The following CAMTA1 variants were observed in gnomAD, a reference collection of about 807,000 sequenced individuals.
The protein encoded by CAMTA1 is calmodulin binding transcription activator 1.
Under a neutral mutation model 170.9 loss-of-function variants are expected in CAMTA1, and 27 were observed. The observed-to-expected ratio is 0.16, with a 90% CI of 0.12 to 0.22. The LOEUF (loss-of-function observed/expected upper bound fraction) is 0.22, where lower values mean the gene tolerates loss of function less well. Among genes scored for constraint, CAMTA1 ranks in the 10% least tolerant of loss-of-function variants. The pLI is 1.00. For synonymous variants in CAMTA1, 833 were observed against 891.5 expected (o/e 0.93, Z 1.17); for missense variants, 1,619 against 2,217.2 (o/e 0.73, Z 5.42).
At chr1:7,386,918 A>G (rs1381898527) in intron 5 of CAMTA1, among the ~76,000 whole-genome samples, 1 of 152,184 alleles carries the variant, frequency 6.6e-6, no homozygotes, top group African/African-American at 2.4e-5. Flanking sequence ...GGTGACGTTC[A>G]GTGCTGCTGC....
intron 6 of CAMTA1, among the ~76,000 whole-genome samples, chr1:7,573,797 A>G (rs60678362): frequency 0.15 from 22,985 of 152,146 alleles, 5,639 homozygotes; most frequent in African/African-American, 0.52. Context: ...GTTTTGAGAC[A>G]GAGTCTCGCT....
chr1:7,183,627 G>C (rs544515613), intron 4 of CAMTA1, among the ~76,000 whole-genome samples: 1 of 152,186 alleles, frequency 6.6e-6, no homozygotes, highest in Non-Finnish European at 1.5e-5. Flanking sequence ...TGGCACAGTG[G>C]ATACTATGCA....
intron 3 of CAMTA1, among the ~76,000 whole-genome samples, chr1:6,899,699 C>CTTCAACAAATCA (rs1553179749): frequency 1.3e-5 from 2 of 152,114 alleles, no homozygotes; most frequent in Non-Finnish European, 2.9e-5. Flanking sequence ...CAGGAATTAA[C>CTTCAACAAATCA]TTCAACAAAT....
At chr1:7,683,048 G>A (rs891089968) in intron 11 of CAMTA1, among the ~76,000 whole-genome samples, 7 of 152,064 alleles carry the variant, frequency 4.6e-5, no homozygotes, top group Admixed American at 3.3e-4. Flanking sequence ...GGTGGTGAGC[G>A]CCTGTTGTCC....
chr1:6,976,762 A>G (rs1359807446), intron 3 of CAMTA1, among the ~76,000 whole-genome samples: 1 of 152,186 alleles, frequency 6.6e-6, no homozygotes. Context: ...ACAGGGTGAT[A>G]TGGTTTCGCT....
At chr1:7,569,747 T>TCAC (rs1331033850) in intron 6 of CAMTA1, among the ~76,000 whole-genome samples, 1 of 151,156 alleles carries the variant, frequency 6.6e-6, no homozygotes, top group Non-Finnish European at 1.5e-5. Flanking sequence ...AGCAGCAGCA[T>TCAC]CACCATCATC....
intron 6 of CAMTA1, among the ~76,000 whole-genome samples, chr1:7,548,238 G>T (rs934154572): frequency 6.6e-6 from 1 of 152,202 alleles, no homozygotes; most frequent in Admixed American, 6.5e-5. Flanking sequence ...GACCCTCTGT[G>T]TTGGGCACAT....
chr1:7,459,612 C>T (rs1344826417), intron 5 of CAMTA1, among the ~76,000 whole-genome samples: 1 of 152,226 alleles, frequency 6.6e-6, no homozygotes, highest in African/African-American at 2.4e-5. Flanking sequence ...GTAGCACACT[C>T]AGGCCCTGCT....
At chr1:7,000,076 G>C (rs1412237036) in intron 3 of CAMTA1, among the ~76,000 whole-genome samples, 2 of 152,194 alleles carry the variant, frequency 1.3e-5, no homozygotes, top group South Asian at 4.1e-4. Context: ...GTACCAGCTG[G>C]TGCTGGGTGA....
At chr1:7,337,161 TC>T (rs2083437232) in intron 5 of CAMTA1, among the ~76,000 whole-genome samples, 1 of 152,174 alleles carries the variant, frequency 6.6e-6, no homozygotes, top group South Asian at 2.1e-4. Flanking sequence ...GCCTGGTGGT[TC>T]TAGGAGGCCT....
intron 1 of CAMTA1, among the ~76,000 whole-genome samples, chr1:6,788,404 T>G (rs1156321700): frequency 6.6e-6 from 1 of 152,136 alleles, no homozygotes; most frequent in Non-Finnish European, 1.5e-5. Context: ...TCAGCGCTAG[T>G]TCTGTGACTT....
At chr1:6,876,152 C>T (rs1268200798) in intron 3 of CAMTA1, among the ~76,000 whole-genome samples, 3 of 151,970 alleles carry the variant, frequency 2.0e-5, no homozygotes, top group African/African-American at 7.3e-5. Flanking sequence ...CTTGTTCTTT[C>T]ATTTTTTTTT....
At chr1:7,057,843 G>A (rs1309054365) in intron 3 of CAMTA1, among the ~76,000 whole-genome samples, 1 of 152,172 alleles carries the variant, frequency 6.6e-6, no homozygotes, top group Non-Finnish European at 1.5e-5. Context: ...TTCTGAGCTG[G>A]GATGGTCCAC....
At chr1:7,503,968 G>A (rs1348354957) in intron 6 of CAMTA1, among the ~76,000 whole-genome samples, 1 of 152,192 alleles carries the variant, frequency 6.6e-6, no homozygotes, top group Admixed American at 6.5e-5. Flanking sequence ...GGAGCTGGGG[G>A]CCTCAGAACG....
At chr1:6,996,800 G>C (rs2100546701) in intron 3 of CAMTA1, among the ~76,000 whole-genome samples, 1 of 152,028 alleles carries the variant, frequency 6.6e-6, no homozygotes, top group South Asian at 2.1e-4. Context: ...GCCTGCCTTT[G>C]GTCTCTCTCT....
chr1:7,645,737 G>T (rs991222060), intron 7 of CAMTA1, among the ~76,000 whole-genome samples: 1 of 152,256 alleles, frequency 6.6e-6, no homozygotes, highest in African/African-American at 2.4e-5. Flanking sequence ...TGGGGCAGGT[G>T]TCCTCTGCAG....
intron 5 of CAMTA1, among the ~76,000 whole-genome samples, chr1:7,432,452 G>A (rs1030920223): frequency 2.0e-5 from 3 of 152,232 alleles, no homozygotes; most frequent in African/African-American, 2.4e-5. Context: ...GCATGTTCCG[G>A]TAGCGGCCAG....
intron 4 of CAMTA1, among the ~76,000 whole-genome samples, chr1:7,100,934 G>A (rs897561601): frequency 4.6e-5 from 7 of 152,118 alleles, no homozygotes; most frequent in African/African-American, 1.7e-4. Context: ...CTTCGTGCCA[G>A]GGTGCCTGTG....
intron 11 of CAMTA1, among the ~76,000 whole-genome samples, chr1:7,731,529 G>A (rs1037003891): frequency 1.7e-4 from 26 of 149,430 alleles, no homozygotes; most frequent in African/African-American, 4.5e-4. Flanking sequence ...CTGAGATTGC[G>A]CCATTGCACT....
Sources: gnomAD v4.1 joint callset for allele counts (sites outside exome capture counted in the v4.1 genomes callset) on GRCh38, gnomAD v4.1.1 for gene constraint, MANE v1.5 for transcripts, NCBI Gene and HGNC (gene_info 2026-07-23, HGNC 2026-07-21) for gene names.